The following ANKFN1 variants were observed in gnomAD, a reference collection of about 807,000 sequenced individuals.
The protein encoded by ANKFN1 is ankyrin repeat and fibronectin type-III domain-containing protein 1.
ANKFN1 carries 74 observed loss-of-function variants against 108.7 expected under a neutral mutation model. That is an observed-to-expected ratio of 0.68 (90% CI 0.56 to 0.83). The LOEUF (loss-of-function observed/expected upper bound fraction) is 0.83. Ranked by LOEUF, ANKFN1 falls within the 40% of genes least tolerant of loss-of-function variation. ANKFN1 has a pLI of 0.00. For missense variants in ANKFN1, 1,505 were observed against 1,382.3 expected (o/e 1.09, Z -1.41); for synonymous variants, 547 against 516.2 (o/e 1.06, Z -0.81).
intron 4 of ANKFN1, among the ~76,000 whole-genome samples, chr17:56,093,828 G>C (rs1905465847): frequency 6.6e-6 from 1 of 151,240 alleles, no homozygotes; most frequent in Non-Finnish European, 1.5e-5. Flanking sequence ...TCTTGAGTGT[G>C]GTACCTGTTA....
chr17:56,153,497 T>C lies in ANKFN1; in HGVS notation c.-104T>C. On this transcript the variant is annotated 5_prime_UTR_variant, in exon 1 of 21. Transcript: ENST00000682825. ...GTCCTCTTTCAACTCAAGAGCTCAGTCCTGTGTCTCTCATGGAGGCGTCTC... is the reference window on the plus strand; with the variant it reads ...GTCCTCTTTCAACTCAAGAGCTCAGCCCTGTGTCTCTCATGGAGGCGTCTC... 1.2e-6 allele frequency: 2 copies of C among 1,614,050 alleles called. No individual in the cohort carries two copies. The highest frequency in any genetic ancestry group is 1.7e-6 in the Non-Finnish European group (2 of 1,179,906).
Position 56,366,924 on chromosome 17 carries a change from T to C in ANKFN1, c.602-5722T>C, listed in dbSNP as rs147338750. Among the ~76,000 whole-genome samples the C allele has an allele frequency of 3.3e-5, 5 of 152,318 alleles. No individual in the cohort carries two copies. The East Asian group carries it at 9.7e-4, about 29-fold the overall frequency. ...AAGGAAACTTTAAAATTCGGAGTTG[T>C]ATGAAAATGGACAAGGTCATCTCAG... is the stretch of plus-strand genomic sequence containing the variant. On this transcript the variant is annotated intron_variant, in intron 6 of 20. Coordinates refer to ENST00000682825, the MANE Select transcript of ANKFN1 (RefSeq NM_001370326.1).
intron 15 of ANKFN1, among the ~76,000 whole-genome samples, chr17:56,475,397 G>A (rs2050464297): frequency 6.6e-6 from 1 of 152,198 alleles, no homozygotes; most frequent in Non-Finnish European, 1.5e-5. Context: ...GGATGAGACA[G>A]AGGAGACAAT....
At chr17:56,185,026 T>C (rs189012663) in intron 1 of ANKFN1, 3 of 152,344 alleles carry the variant, frequency 2.0e-5, no homozygotes, top group Non-Finnish European at 2.9e-5. Context: ...TGTAATACCA[T>C]TTCATGGGTG....
intron 1 of ANKFN1, among the ~76,000 whole-genome samples, chr17:56,207,842 T>C (rs965147030): frequency 1.3e-5 from 2 of 152,108 alleles, no homozygotes; most frequent in Admixed American, 6.5e-5. Flanking sequence ...TCCTTAATAA[T>C]AGATGTGAAG....
intron 8 of ANKFN1, among the ~76,000 whole-genome samples, chr17:56,414,444 A>C (rs2048182018): frequency 6.6e-6 from 1 of 152,200 alleles, no homozygotes; most frequent in African/African-American, 2.4e-5. Context: ...ACATCAAGAA[A>C]AGGAAAACTA....
intron 3 of ANKFN1, among the ~76,000 whole-genome samples, chr17:56,238,840 G>T (rs1917361370): frequency 6.6e-6 from 1 of 152,118 alleles, no homozygotes; most frequent in South Asian, 2.1e-4. Context: ...CGGCAAACTG[G>T]TACAAATCTA....
chr17:56,339,829 A>T (rs2045915036), intron 4 of ANKFN1, among the ~76,000 whole-genome samples: 1 of 152,010 alleles, frequency 6.6e-6, no homozygotes, highest in Non-Finnish European at 1.5e-5. Context: ...CAGTATTGGG[A>T]TTGCTGAGTC....
intron 3 of ANKFN1, among the ~76,000 whole-genome samples, chr17:56,296,116 C>T (rs1232993758): frequency 6.6e-6 from 1 of 151,436 alleles, no homozygotes; most frequent in Non-Finnish European, 1.5e-5. Flanking sequence ...ATTATTGAAA[C>T]CTCTTGCTGT....
At chr17:56,488,905 G>A (rs1242258596) in intron 18 of ANKFN1, among the ~76,000 whole-genome samples, 3 of 152,190 alleles carry the variant, frequency 2.0e-5, no homozygotes, top group African/African-American at 7.2e-5. Context: ...AAAAAGGTGT[G>A]GCAGAAGGAC....
intron 4 of ANKFN1, among the ~76,000 whole-genome samples, chr17:56,142,230 G>A (rs1238804335): frequency 1.3e-5 from 2 of 152,040 alleles, no homozygotes; most frequent in Non-Finnish European, 2.9e-5. Context: ...CACCTGGCCA[G>A]CTAGGGCTTA....
chr17:56,509,827 A>G (rs981588622), intron 20 of ANKFN1, among the ~76,000 whole-genome samples: 1 of 152,226 alleles, frequency 6.6e-6, no homozygotes, highest in Non-Finnish European at 1.5e-5. Flanking sequence ...GACTTTATCC[A>G]TGAATTTTGC....
intron 4 of ANKFN1, among the ~76,000 whole-genome samples, chr17:56,103,313 C>T (rs537621479): frequency 4.6e-5 from 7 of 152,176 alleles, no homozygotes; most frequent in South Asian, 4.1e-4. Context: ...GGATCAAAGG[C>T]GCAGGATGGA....
chr17:56,237,480 G>A (rs1166967850), intron 3 of ANKFN1, among the ~76,000 whole-genome samples: 2 of 152,056 alleles, frequency 1.3e-5, no homozygotes, highest in African/African-American at 4.8e-5. Flanking sequence ...GGTCTGTTCA[G>A]GGAATCAATT....
At position 56,513,061 on chromosome 17, in the gene ANKFN1, C is replaced by G. The variant is rs1287410122; in HGVS notation, c.*1792C>G. ...AAATTTATCTAAGTCCGTGGGTTTG[C>G]AGGTAGGGCAATTAAGACCCAGAGA... On this transcript the variant is annotated 3_prime_UTR_variant, in exon 21 of 21. Transcript: ENST00000682825. 2.6e-5 allele frequency among the ~76,000 whole-genome samples: 4 copies of G among 152,122 alleles called. No homozygotes were observed. The highest frequency in any genetic ancestry group is 9.7e-5 in the African/African-American group (4 of 41,410).
chr17:56,053,860 G>T (rs938470991), intron 4 of ANKFN1, among the ~76,000 whole-genome samples: 2 of 152,088 alleles, frequency 1.3e-5, no homozygotes, highest in African/African-American at 4.8e-5. Context: ...AGGAAAAAAG[G>T]TATTTTTTAA....
At chr17:56,347,794 C>A (rs1413180493) in intron 4 of ANKFN1, among the ~76,000 whole-genome samples, 1 of 151,974 alleles carries the variant, frequency 6.6e-6, no homozygotes, top group African/African-American at 2.4e-5. Flanking sequence ...GAAAGTCAAC[C>A]TATGTTGACT....
At chr17:56,063,820 G>A (rs1365103577) in intron 4 of ANKFN1, among the ~76,000 whole-genome samples, 1 of 152,058 alleles carries the variant, frequency 6.6e-6, no homozygotes, top group Non-Finnish European at 1.5e-5. Context: ...ATTTAGAGGA[G>A]AAAAGGCACT....
intron 8 of ANKFN1, among the ~76,000 whole-genome samples, chr17:56,437,973 GGTGTGTGT>G (rs150040769): frequency 3.4e-4 from 48 of 142,276 alleles, no homozygotes; most frequent in African/African-American, 1.2e-3. Flanking sequence ...ATCTACTGTA[GGTGTGTGT>G]GTGTGTGTGT....
Sources: gnomAD v4.1 joint callset for allele counts (sites outside exome capture counted in the v4.1 genomes callset) on GRCh38, gnomAD v4.1.1 for gene constraint, MANE v1.5 for transcripts, NCBI Gene and HGNC (gene_info 2026-07-23, HGNC 2026-07-21) for gene names.